The following RGPD3 variants were observed in gnomAD, a reference collection of about 807,000 sequenced individuals.
The protein encoded by RGPD3 is RANBP2 like and GRIP domain containing 3.
Under a neutral mutation model 154.5 loss-of-function variants are expected in RGPD3, and 62 were observed. The observed-to-expected ratio is 0.40, with a 90% CI of 0.33 to 0.50. The LOEUF (loss-of-function observed/expected upper bound fraction) is 0.50, where lower values mean the gene tolerates loss of function less well. RGPD3 is among the 20% of genes least tolerant of loss of function. The pLI is 0.59. For missense variants in RGPD3, 919 were observed against 1,716.8 expected, an observed-to-expected ratio of 0.54 and a Z score of 8.21; for synonymous variants, 308 against 607.0, an observed-to-expected ratio of 0.51 and a Z score of 7.24.
chr2:106,468,278 C>G lies in RGPD3; in HGVS notation c.11G>C (p.Ser4Thr), dbSNP rs780842056. 1 of 1,607,122 alleles carries G rather than the reference C, an allele frequency of 6.2e-7. No homozygotes were observed. The highest frequency in any genetic ancestry group is 2.2e-5 in the East Asian group (1 of 44,696). Reference sequence around the variant, plus strand: ...GACGTACCGCTCCCCGTAGGCCTTGCTGCAACTCATCGCGCCACCAACCTG... The same window carrying G: ...GACGTACCGCTCCCCGTAGGCCTTGGTGCAACTCATCGCGCCACCAACCTG... MSCSKAYGERYVAS... is the reference protein window; with the variant it reads MSCTKAYGERYVAS... The change falls in exon 1 of 23, where the codon AGC becomes ACC. Residue 4 changes from serine to threonine, a missense_variant. Physicochemically the swap from Ser to Thr is moderately conservative, Grantham distance 58. Transcript: ENST00000409886.
In RGPD3 at chr2:106,468,233, G is replaced by C. The variant is rs760361943; in HGVS notation, c.56C>G (p.Ala19Gly). The C allele has an allele frequency of 6.2e-7, 1 of 1,606,884 alleles. No individual in the cohort carries two copies. Among genetic ancestry groups the C allele is most frequent in the Non-Finnish European group, 8.5e-7 (1 of 1,177,886 alleles). ...CCCACTCACCTTTCGAGGCGACGGG[G>C]CGGAGCCCTGCACCGAGGCGACGTA... The part of the protein sequence containing the change: ...ERYVASVQGS[A>G]PSPRKKSTRG... The change falls in exon 1 of 23, where the codon GCC becomes GGC. Residue 19 changes from alanine (A) to glycine (G), a missense_variant. Ala to Gly is a moderately conservative substitution (Grantham distance 60). Coordinates refer to ENST00000409886, the MANE Select transcript of RGPD3 (RefSeq NM_001144013.2).
chr2:106,461,392 T>C (rs1010525292), intron 1 of RGPD3, among the ~76,000 whole-genome samples: 26 of 152,160 alleles, frequency 1.7e-4, no homozygotes, highest in Admixed American at 4.6e-4. Flanking sequence ...CTGAGATGGC[T>C]AGTATGTAAC....
Position 106,434,374 on chromosome 2 carries a change from T to C in RGPD3, c.2059A>G (p.Ile687Val), listed in dbSNP as rs1677477186. 2.5e-6 allele frequency: 4 copies of C among 1,611,572 alleles called. No individual in the cohort carries two copies. Among genetic ancestry groups the C allele is most frequent in the Non-Finnish European group, 3.4e-6 (4 of 1,179,686 alleles). Residue 687 changes from isoleucine to valine, a missense_variant and splice_region_variant, in exon 15 of 23, where the codon ATT becomes GTT. Physicochemically the swap from Ile to Val is conservative, Grantham distance 29. Transcript: ENST00000409886. ...SVVSYWNLAL[I>V]FHRKAEDIAN... The stretch of plus-strand genomic sequence containing the variant: ...ATGTCTTCTGCCTTCCTGTGAAAAA[T>C]CTATACAAATAGTGCTTTTATGAAA...
At chr2:106,470,200 C>G (rs779815023), upstream of RGPD3, among the ~76,000 whole-genome samples, 73 of 152,358 alleles carry the variant, frequency 4.8e-4, no homozygotes, top group Non-Finnish European at 9.0e-4. Context: ...CTGCCTCACC[C>G]TACAGACTAC....
At chr2:106,466,343 G>C (rs1161359875) in intron 1 of RGPD3, among the ~76,000 whole-genome samples, 1 of 150,560 alleles carries the variant, frequency 6.6e-6, no homozygotes, top group African/African-American at 2.4e-5. Context: ...GAGCCATGAC[G>C]CCTGAGCCAT....
chr2:106,450,881 C>CAAAAAAAAAAAAAA (rs56400357), intron 6 of RGPD3, among the ~76,000 whole-genome samples: 2 of 38,366 alleles, frequency 5.2e-5, no homozygotes, highest in African/African-American at 9.4e-5. Flanking sequence ...GACTCAGTCT[C>CAAAAAAAAAAAAAA]AAAAAAAAAA....
intron 7 of RGPD3, among the ~76,000 whole-genome samples, chr2:106,445,000 A>C (rs1360241636): frequency 7.3e-6 from 1 of 136,476 alleles, no homozygotes; most frequent in Admixed American, 7.6e-5. Context: ...GTTTCCATTA[A>C]AAATAAGAAC....
intron 20 of RGPD3, among the ~76,000 whole-genome samples, chr2:106,422,821 T>C (rs1327209712): frequency 2.0e-5 from 3 of 151,890 alleles, no homozygotes; most frequent in Non-Finnish European, 4.4e-5. Context: ...CCTAGCATGA[T>C]AGAAGTATCT....
At chr2:106,411,836 C>A (rs1676680911) in intron 22 of RGPD3, among the ~76,000 whole-genome samples, 1 of 152,032 alleles carries the variant, frequency 6.6e-6, no homozygotes, top group South Asian at 2.1e-4. Context: ...AAAAACACAA[C>A]AACAAAATAA....
At chr2:106,461,533 G>C (rs1336506515) in intron 1 of RGPD3, among the ~76,000 whole-genome samples, 1 of 151,942 alleles carries the variant, frequency 6.6e-6, no homozygotes, top group African/African-American at 2.4e-5. Context: ...TAAAACTCAT[G>C]AAATGTTTAT....
chr2:106,440,431 A>G (rs942986136), intron 8 of RGPD3, among the ~76,000 whole-genome samples: 1 of 151,774 alleles, frequency 6.6e-6, no homozygotes, highest in East Asian at 1.9e-4. Flanking sequence ...AAAAAAATAC[A>G]GGCAATTTTT....
intron 6 of RGPD3, among the ~76,000 whole-genome samples, chr2:106,450,428 T>C (rs1006389726): frequency 6.7e-6 from 1 of 150,176 alleles, no homozygotes; most frequent in Non-Finnish European, 1.5e-5. Flanking sequence ...CAGCTTTTTA[T>C]CTTCCTCAGG....
intron 1 of RGPD3, among the ~76,000 whole-genome samples, chr2:106,465,885 G>A (rs754835061): frequency 1.0e-3 from 152 of 151,856 alleles, no homozygotes; most frequent in Non-Finnish European, 1.7e-3. Flanking sequence ...TGTCATTTGC[G>A]CCGTCGGGCC....
chr2:106,438,736 C>T (rs1397350845), intron 9 of RGPD3, among the ~76,000 whole-genome samples: 4 of 150,056 alleles, frequency 2.7e-5, no homozygotes, highest in South Asian at 2.1e-4. Flanking sequence ...GAGCCGAGAT[C>T]GCACCACTGC....
Position 106,424,600 on chromosome 2 carries a change from G to A in RGPD3, c.3367C>T (p.Leu1123Phe), listed in dbSNP as rs551764519. 25 of 1,611,576 alleles carry A rather than the reference G, an allele frequency of 1.6e-5. No homozygotes were observed. The South Asian group carries it at 2.6e-4, about 17-fold the overall frequency. The change falls in exon 20 of 23, where the codon CTC (leucine) becomes TTC (phenylalanine). Residue 1123 changes from leucine to phenylalanine, a missense_variant. Physicochemically the swap from Leu to Phe is conservative, Grantham distance 22. Transcript: ENST00000409886. ...WITTTMNLKP[L>F]SGSDRAWMWS... ...ATCCATGCTCTATCTGATCCAGAGA[G>A]GGGCTTCAGGTTCATTGTAGTCGTT... is the stretch of plus-strand genomic sequence containing the variant.
chr2:106,470,755 C>T, upstream of RGPD3: 5 of 1,562,830 alleles, frequency 3.2e-6, no homozygotes, highest in Admixed American at 2.1e-5. Flanking sequence ...AACCAAACTT[C>T]TTTAAAAAAT....
rs1225089210 is a variant in RGPD3 at position 106,403,828 on chromosome 2, T to A, written c.*1391A>T. ...TATCAGCAGCAAATTTCAGTTAAAC[T>A]AAATTGGAAACCAATGTTCTGTGTA... On this transcript the variant is annotated 3_prime_UTR_variant, in exon 23 of 23. Coordinates refer to ENST00000409886, the MANE Select transcript of RGPD3 (RefSeq NM_001144013.2). Among the ~76,000 whole-genome samples the A allele has an allele frequency of 1.1e-3, 171 of 151,928 alleles. No individual in the cohort carries two copies. The highest frequency in any genetic ancestry group is 3.8e-3 in the African/African-American group (155 of 41,182).
chr2:106,445,019 G>GAAAATAA, intron 7 of RGPD3, among the ~76,000 whole-genome samples: 1 of 135,822 alleles, frequency 7.4e-6, no homozygotes, highest in Non-Finnish European at 1.6e-5. Context: ...ACTATTGGCA[G>GAAAATAA]GGCGCGGTGG....
intron 2 of RGPD3, 100 bp downstream of exon 2, chr2:106,459,164 TA>T (rs1244496607): frequency 1.7e-6 from 1 of 588,258 alleles, no homozygotes; most frequent in Non-Finnish European, 2.7e-6. Context: ...AGAATACACT[TA>T]GGAAGAACTA....
Sources: allele counts gnomAD v4.1 joint callset (sites outside exome capture counted in the v4.1 genomes callset), GRCh38; gene constraint gnomAD v4.1.1; transcripts MANE v1.5; gene names NCBI Gene and HGNC (gene_info 2026-07-23, HGNC 2026-07-21).